The following SERPINC1 variants were observed in gnomAD, a reference collection of about 807,000 sequenced individuals.
The protein encoded by SERPINC1 is serpin family C member 1.
In SERPINC1, 12 loss-of-function variants were observed where a neutral mutation model predicts 43.4. The observed-to-expected ratio is 0.28, with a 90% CI of 0.18 to 0.45. SERPINC1 has a LOEUF of 0.45. Among genes scored for constraint, SERPINC1 ranks in the 20% least tolerant of loss-of-function variants. The pLI is 1.00. For synonymous variants in SERPINC1, 210 were observed against 218.9 expected (o/e 0.96, Z 0.36); for missense variants, 423 against 578.8 (o/e 0.73, Z 2.76).
Position 173,909,710 on chromosome 1 carries a change from G to A in SERPINC1, c.995C>T (p.Thr332Ile), listed in dbSNP as rs567550044. The A allele has an allele frequency of 6.2e-6, 10 of 1,614,172 alleles. No homozygotes were observed. In the African/African-American group the frequency reaches 1.1e-4, roughly 17 times the overall value. ...KSLAKVEKEL[T>I]PEVLQEWLDE... The stretch of plus-strand genomic sequence containing the variant: ...CAGCCACTCTTGCAGCACCTCTGGG[G>A]TGAGTTCCTTCTCTACCTTGGCCAG... The change falls in exon 5 of 7, where the codon ACC (threonine) becomes ATC (isoleucine). Residue 332 changes from threonine to isoleucine, a missense_variant. Thr to Ile is a moderately conservative substitution (Grantham distance 89). Transcript: ENST00000367698.
intron 6 of SERPINC1, among the ~76,000 whole-genome samples, chr1:173,907,150 C>T (rs1657552076): frequency 6.6e-6 from 1 of 151,858 alleles, no homozygotes; most frequent in African/African-American, 2.4e-5. Flanking sequence ...TGGGTTTCTG[C>T]GACCCCATAC....
chr1:173,904,107 C>T, intron 6 of SERPINC1, 42 bp from the exon 7 acceptor site: 52 of 1,597,022 alleles, frequency 3.3e-5, no homozygotes, highest in Non-Finnish European at 4.4e-5. Context: ...AGCCACTCTG[C>T]CGTTCATTTT....
At chr1:173,904,957 C>T (rs1039602618) in intron 6 of SERPINC1, among the ~76,000 whole-genome samples, 1 of 152,106 alleles carries the variant, frequency 6.6e-6, no homozygotes, top group Admixed American at 6.5e-5. Context: ...ATTAAGGATT[C>T]CCAAGGTTTT....
Position 173,914,801 on chromosome 1 carries a change from T to A in SERPINC1, c.160A>T (p.Ile54Phe). The change falls in exon 2 of 7, where the codon ATT becomes TTT. Residue 54 changes from isoleucine to phenylalanine, a missense_variant. Transcript: ENST00000367698. ...PRDIPMNPMCIYRSPEKKATE... is the reference protein window; with the variant it reads ...PRDIPMNPMCFYRSPEKKATE... ...GCCTTCTTCTCCGGGGAGCGGTAAA[T>A]GCACATGGGATTCATGGGAATGTCC... 2 of 1,614,140 alleles carry A rather than the reference T, an allele frequency of 1.2e-6. No individual in the cohort carries two copies. The highest frequency in any genetic ancestry group is 1.7e-6 in the Non-Finnish European group (2 of 1,179,968).
At chr1:173,913,947 G>T (rs577778413) in intron 2 of SERPINC1, among the ~76,000 whole-genome samples, 20 of 151,988 alleles carry the variant, frequency 1.3e-4, no homozygotes, top group Non-Finnish European at 2.6e-4. Flanking sequence ...GCGTGATGGC[G>T]TGTGCCTGTA....
At chr1:173,911,596 C>G (rs914413024) in intron 3 of SERPINC1, among the ~76,000 whole-genome samples, 3 of 152,180 alleles carry the variant, frequency 2.0e-5, no homozygotes, top group Non-Finnish European at 4.4e-5. Context: ...GTTTTCTGGG[C>G]AGTCACTACA....
At chr1:173,904,978 G>T (rs764116138) in intron 6 of SERPINC1, among the ~76,000 whole-genome samples, 10 of 152,236 alleles carry the variant, frequency 6.6e-5, no homozygotes, top group Middle Eastern at 3.4e-3. Context: ...CAAAGAAAAC[G>T]GCTTTGTTGT....
chr1:173,916,243 G>T lies in SERPINC1; in HGVS notation c.41+976C>A, dbSNP rs1414505686. Among the ~76,000 whole-genome samples, 8 of 152,208 alleles carry T rather than the reference G, an allele frequency of 5.3e-5. No individual in the cohort carries two copies. In the East Asian group the frequency reaches 1.5e-3, roughly 29 times the overall value. ...GGTGGGGCAGGGGCTGCCTCCAGCTGGTTTATGGTTCCTGCGTGTACACAA... is the reference window on the plus strand; with the variant it reads ...GGTGGGGCAGGGGCTGCCTCCAGCTTGTTTATGGTTCCTGCGTGTACACAA... On this transcript the variant is annotated intron_variant, in intron 1 of 6. Coordinates refer to ENST00000367698, the MANE Select transcript of SERPINC1 (RefSeq NM_000488.4).
At chr1:173,912,092 G>A (rs1467835135) in intron 2 of SERPINC1, 78 bp from the exon 3 acceptor site, 2 of 1,003,206 alleles carry the variant, frequency 2.0e-6, no homozygotes, top group Admixed American at 3.4e-5. Context: ...ATGCTGGTCA[G>A]TCTCTGACTA....
intron 5 of SERPINC1, among the ~76,000 whole-genome samples, chr1:173,909,026 G>A (rs1299291330): frequency 1.3e-5 from 2 of 152,182 alleles, no homozygotes; most frequent in African/African-American, 4.8e-5. Flanking sequence ...TACCAGGTAT[G>A]GTGACGTGTG....
intron 6 of SERPINC1, among the ~76,000 whole-genome samples, chr1:173,907,132 A>C (rs1045177114): frequency 2.7e-5 from 4 of 150,566 alleles, no homozygotes; most frequent in African/African-American, 9.9e-5. Context: ...AAAAAAAAAA[A>C]TTCTCCCTGG....
chr1:173,912,805 CA>C (rs746875005), intron 2 of SERPINC1, among the ~76,000 whole-genome samples: 9 of 152,028 alleles, frequency 5.9e-5, no homozygotes, highest in Non-Finnish European at 1.2e-4. Flanking sequence ...AGGGGAGGAC[CA>C]AAGGAACATG....
At chr1:173,905,876 A>T (rs1406941137) in intron 6 of SERPINC1, among the ~76,000 whole-genome samples, 1 of 152,172 alleles carries the variant, frequency 6.6e-6, no homozygotes. Flanking sequence ...TACCTTTGAA[A>T]TTATATTAAT....
chr1:173,905,104 C>T (rs1424998093), intron 6 of SERPINC1, among the ~76,000 whole-genome samples: 2 of 152,108 alleles, frequency 1.3e-5, no homozygotes, highest in Non-Finnish European at 2.9e-5. Flanking sequence ...CTGAGTTGAC[C>T]ACTTCTAACT....
chr1:173,912,129 C>T, intron 2 of SERPINC1, 115 bp from the exon 3 acceptor site: 1 of 756,856 alleles, frequency 1.3e-6, no homozygotes, highest in South Asian at 1.4e-5. Context: ...TTAACTCCTT[C>T]AAGCACAGTA....
In SERPINC1 at chr1:173,904,065, C is replaced by T. The variant is rs1657380449; in HGVS notation, c.1219G>A (p.Val407Ile). 1 of 1,614,130 alleles carries T rather than the reference C, an allele frequency of 6.2e-7. No homozygotes were observed. ...SDAFHKAFLE[V>I]NEEGSEAAAS... The stretch of plus-strand genomic sequence containing the variant: ...GCTGCTTCACTGCCTTCTTCATTTA[C>T]CTGCAGGTCACATGGGAAATAAAAC... The change falls in exon 7 of 7, where the codon GTA (valine) becomes ATA (isoleucine). Residue 407 changes from valine to isoleucine, a missense_variant and splice_region_variant. Transcript: ENST00000367698.
Position 173,904,023 on chromosome 1 carries a change from C to A in SERPINC1, c.1261G>T (p.Val421Leu). The change falls in exon 7 of 7, where the codon GTG becomes TTG. Residue 421 changes from valine (V) to leucine (L), a missense_variant. Transcript: ENST00000367698. ...GGGTTTAGCGAACGGCCAGCAATCA[C>A]AACAGCGGTACTTGCAGCTGCTTCA... The part of the protein sequence containing the change: ...GSEAAASTAV[V>L]IAGRSLNPNR... 1 of 1,614,240 alleles carries A rather than the reference C, an allele frequency of 6.2e-7. No homozygotes were observed. The highest frequency in any genetic ancestry group is 8.5e-7 in the Non-Finnish European group (1 of 1,180,044).
At chr1:173,913,431 C>T (rs893701279) in intron 2 of SERPINC1, among the ~76,000 whole-genome samples, 1 of 152,208 alleles carries the variant, frequency 6.6e-6, no homozygotes, top group Non-Finnish European at 1.5e-5. Context: ...CCAGAAAACA[C>T]TCTCACGTCC....
chr1:173,910,055 C>T, intron 4 of SERPINC1, 113 bp from the exon 5 acceptor site: 2 of 1,082,044 alleles, frequency 1.8e-6, no homozygotes, highest in Non-Finnish European at 2.7e-6. Context: ...GGAAAAAAGA[C>T]TGGCGGGATA....
Sources: gnomAD v4.1 joint callset for allele counts (sites outside exome capture counted in the v4.1 genomes callset) on GRCh38, gnomAD v4.1.1 for gene constraint, MANE v1.5 for transcripts, NCBI Gene and HGNC (gene_info 2026-07-23, HGNC 2026-07-21) for gene names.